The following ATG13 variants were observed in gnomAD, a reference collection of about 807,000 sequenced individuals.
ATG13 encodes autophagy related 13, also known as autophagy-related protein 13.
A neutral mutation model predicts 65.5 loss-of-function variants in ATG13; 23 were observed. That is an observed-to-expected ratio of 0.35 (90% CI 0.25 to 0.50). The LOEUF is 0.50. Among genes scored for constraint, ATG13 ranks in the 20% least tolerant of loss-of-function variants. The probability of loss-of-function intolerance (pLI) is 0.98; values close to 1 mark genes in which losing one functional copy is unlikely to be tolerated. For synonymous variants in ATG13, 252 were observed against 245.2 expected (o/e 1.03, Z -0.26); for missense variants, 566 against 677.0 (o/e 0.84, Z 1.82).
Position 46,668,900 on chromosome 11 carries a change from T to C in ATG13, c.1436T>C (p.Met479Thr). ...GGCAATACCCATGATGACTTTGTTA[T>C]GATAGACTTTGTAAGTCGCCGTCAC... is the stretch of plus-strand genomic sequence containing the variant. ...SSGNTHDDFV[M>T]IDFKPAFSKD... Residue 479 changes from methionine to threonine, a missense_variant, in exon 17 of 19, where the codon ATG becomes ACG. By Grantham distance (81) the Met-to-Thr change is moderately conservative. This residue lies in a region of ATG13 where 387 missense variants were observed against 409.8 expected (regional missense o/e 0.94). Transcript: ENST00000683050. The C allele has an allele frequency of 1.9e-6, 3 of 1,613,036 alleles. No homozygotes were observed. Among genetic ancestry groups the C allele is most frequent in the South Asian group, 2.2e-5 (2 of 91,080 alleles).
rs571030619 is a variant in ATG13, at chr11:46,633,169, C to T, written c.-14+3069C>T. 5.3e-5 allele frequency among the ~76,000 whole-genome samples: 8 copies of T among 149,928 alleles called. No homozygotes were observed. In the East Asian group the frequency reaches 5.9e-4, roughly 11 times the overall value. ...CTTCCCAAGTAGCTGGGATTACAGG[C>T]GCCTGCCACCATGCCTGGCTAATTT... On this transcript the variant is annotated intron_variant, in intron 2 of 18. Transcript: ENST00000683050.
In ATG13 at chr11:46,672,976, C is replaced by T. The variant is rs189211570; in HGVS notation, c.*644C>T. ...CTGAAGGTCGGGAGGGTCTGAGCAG[C>T]CCTGGTGGCTGCCTGTGCTCAGGTC... On this transcript the variant is annotated 3_prime_UTR_variant, in exon 19 of 19. Coordinates refer to ENST00000683050, the MANE Select transcript of ATG13 (RefSeq NM_001346311.2). 19 of 361,816 alleles carry T rather than the reference C, an allele frequency of 5.3e-5. No homozygotes were observed. Among genetic ancestry groups the T allele is most frequent in the African/African-American group, 2.8e-4 (13 of 46,752 alleles). 22.4% of individuals were successfully genotyped at this position (361,816 alleles called of 1,614,324 possible).
chr11:46,664,441 CTA>C (rs2061843082), intron 12 of ATG13, among the ~76,000 whole-genome samples: 1 of 152,106 alleles, frequency 6.6e-6, no homozygotes, highest in Admixed American at 6.6e-5. Flanking sequence ...AGAGGACTTT[CTA>C]TGTCAAAGGG....
intron 7 of ATG13, among the ~76,000 whole-genome samples, chr11:46,655,256 G>C (rs559380767): frequency 3.9e-5 from 6 of 152,064 alleles, no homozygotes; most frequent in African/African-American, 1.4e-4. Flanking sequence ...AAAATTAGCC[G>C]GGCGCGGTGG....
chr11:46,647,264 G>A (rs2057807404), intron 5 of ATG13, among the ~76,000 whole-genome samples: 1 of 146,154 alleles, frequency 6.8e-6, no homozygotes, highest in Non-Finnish European at 1.5e-5. Flanking sequence ...TTGCTTTTTG[G>A]GTTTTTGTTT....
rs116206977 is a variant in ATG13, at chr11:46,647,322, G to C, written c.270+1333G>C. 8.2e-3 allele frequency among the ~76,000 whole-genome samples: 1,189 copies of C among 144,490 alleles called. 9 individuals are homozygous for C. Among genetic ancestry groups the C allele is most frequent in the African/African-American group, 0.029 (1,147 of 38,926 alleles). The allele number at this position is 144,490 out of a possible 152,430, so 94.8% of individuals were successfully genotyped here. On this transcript the variant is annotated intron_variant, in intron 5 of 18. Transcript: ENST00000683050. ...TTTTTTTTTGAGACAGAGTCGCGTA[G>C]GTTGGAGCGCAGTGGCATGATCTCA... is the stretch of plus-strand genomic sequence containing the variant.
Position 46,668,877 on chromosome 11 carries a change from C to T in ATG13, c.1413C>T (p.Gly471=), listed in dbSNP as rs1162331187. 1.9e-6 allele frequency: 3 copies of T among 1,613,780 alleles called. No homozygotes were observed. Among genetic ancestry groups the T allele is most frequent in the Non-Finnish European group, 2.5e-6 (3 of 1,179,956 alleles). The part of the protein sequence containing the change: ...HSDGSSGGSS[G]NTHDDFVMID... ...ATGGCTCCAGCGGGGGCAGCAGTGG[C>T]AATACCCATGATGACTTTGTTATGA... Residue 471 remains glycine (G), a synonymous_variant, in exon 17 of 19, where the codon GGC becomes GGT. Transcript: ENST00000683050.
intron 1 of ATG13, among the ~76,000 whole-genome samples, chr11:46,626,496 C>T (rs1024104840): frequency 5.9e-5 from 9 of 152,112 alleles, no homozygotes; most frequent in East Asian, 3.9e-4. Flanking sequence ...GTGATCCGTC[C>T]GCCTCCGCCT....
intron 18 of ATG13, 26 bp from the exon 19 acceptor site, chr11:46,672,229 G>A (rs762069269): frequency 2.6e-5 from 42 of 1,613,814 alleles, no homozygotes; most frequent in Non-Finnish European, 3.3e-5. Flanking sequence ...CTGAATAAAC[G>A]GCTCTTCCCT....
chr11:46,620,551 G>A (rs112712391), intron 1 of ATG13, among the ~76,000 whole-genome samples: 11,284 of 151,832 alleles, frequency 0.074, 632 homozygotes, highest in Middle Eastern at 0.12. Flanking sequence ...TGAGGCAGGC[G>A]GATCACCTGA....
rs111446586 is a variant in ATG13, at chr11:46,666,659, G to A, written c.1137-1114G>A. Among the ~76,000 whole-genome samples, 1,318 of 152,284 alleles carry A rather than the reference G, an allele frequency of 8.7e-3. 23 individuals carry two copies. Among genetic ancestry groups the A allele is most frequent in the African/African-American group, 0.03 (1,261 of 41,536 alleles). On this transcript the variant is annotated intron_variant, in intron 14 of 18. Transcript: ENST00000683050. The stretch of plus-strand genomic sequence containing the variant: ...CGGTTAAGTGATTGGCCTGAGCTCA[G>A]TTAGCTCACAGGGCACAAGGGCGAG...
intron 1 of ATG13, among the ~76,000 whole-genome samples, chr11:46,629,086 A>T (rs1248629283): frequency 3.3e-5 from 5 of 151,778 alleles, no homozygotes; most frequent in Non-Finnish European, 7.4e-5. Flanking sequence ...GGAACTACAG[A>T]TGTGCGCCAC....
At chr11:46,648,106 C>A (rs894543134) in intron 5 of ATG13, among the ~76,000 whole-genome samples, 4 of 150,496 alleles carry the variant, frequency 2.7e-5, no homozygotes, top group African/African-American at 9.8e-5. Context: ...AACCCCACCC[C>A]CCCCAGCACT....
intron 1 of ATG13, among the ~76,000 whole-genome samples, chr11:46,624,920 C>G (rs1174297512): frequency 6.6e-6 from 1 of 152,036 alleles, no homozygotes; most frequent in African/African-American, 2.4e-5. Flanking sequence ...GTAGTCCCAG[C>G]TGAGGTGGGA....
In ATG13 at chr11:46,672,544, C is replaced by A. The variant is rs1223261311; in HGVS notation, c.*212C>A. 2 of 1,452,054 alleles carry A rather than the reference C, an allele frequency of 1.4e-6. No homozygotes were observed. Among genetic ancestry groups the A allele is most frequent in the Non-Finnish European group, 1.8e-6 (2 of 1,100,826 alleles). The allele number at this position is 1,452,054 out of a possible 1,614,324, so 89.9% of individuals were successfully genotyped here. On this transcript the variant is annotated 3_prime_UTR_variant, in exon 19 of 19. Coordinates refer to ENST00000683050, the MANE Select transcript of ATG13 (RefSeq NM_001346311.2). ...CCAGTGCCCAGTTGGAGAAGACTCA[C>A]GTGCTGGCCTTGGAGATGGGAAGAA... is the stretch of plus-strand genomic sequence containing the variant.
At chr11:46,620,810 G>A (rs2047252628) in intron 1 of ATG13, among the ~76,000 whole-genome samples, 1 of 151,968 alleles carries the variant, frequency 6.6e-6, no homozygotes, top group African/African-American at 2.4e-5. Context: ...AACGTGCATG[G>A]TTGACTTAAC....
chr11:46,672,971 AGCAGCCCTGGTG>A lies in ATG13; in HGVS notation c.*642_*653del. The A allele has an allele frequency of 2.4e-6, 1 of 418,360 alleles. No homozygotes were observed. The highest frequency in any genetic ancestry group is 4.0e-6 in the Non-Finnish European group (1 of 251,370). The allele number at this position is 418,360 out of a possible 1,614,324, so 25.9% of individuals were successfully genotyped here. ...CACCCCTGAAGGTCGGGAGGGTCTG[AGCAGCCCTGGTG>A]GCTGCCTGTGCTCAGGTCCTCAGCT... is the stretch of plus-strand genomic sequence containing the variant. On this transcript the variant is annotated 3_prime_UTR_variant, in exon 19 of 19. Coordinates refer to ENST00000683050, the MANE Select transcript of ATG13 (RefSeq NM_001346311.2).
In ATG13 at chr11:46,656,814, T is replaced by A. The variant is rs193003382; in HGVS notation, c.500-281T>A. 17 of 394,424 alleles carry A rather than the reference T, an allele frequency of 4.3e-5. No individual in the cohort carries two copies. In the Admixed American group the frequency reaches 5.4e-4, roughly 12 times the overall value. The allele number at this position is 394,424 out of a possible 1,614,324, so 24.4% of individuals were successfully genotyped here. Reference sequence around the variant, plus strand: ...CCTTAAAACTAACAGTTATTTTATCTCTTTGAAGGTAGCTTTATCTATAAA... The same window carrying A: ...CCTTAAAACTAACAGTTATTTTATCACTTTGAAGGTAGCTTTATCTATAAA... On this transcript the variant is annotated intron_variant, in intron 8 of 18. Transcript: ENST00000683050.
intron 11 of ATG13, among the ~76,000 whole-genome samples, chr11:46,663,683 GACTAATGGTTGACTCA>G (rs2061651607): frequency 6.6e-6 from 1 of 152,230 alleles, no homozygotes; most frequent in Non-Finnish European, 1.5e-5. Flanking sequence ...AGTAGAGACA[GACTAATGGTTGACTCA>G]AGTTTCTCTG....
Sources: allele counts gnomAD v4.1 joint callset (sites outside exome capture counted in the v4.1 genomes callset), GRCh38; gene constraint gnomAD v4.1.1; regional missense constraint gnomAD v4.1.1; transcripts MANE v1.5; gene names NCBI Gene and HGNC (gene_info 2026-07-23, HGNC 2026-07-21).